The following CHPF variants were observed in gnomAD, a reference collection of about 807,000 sequenced individuals.
CHPF encodes chondroitin polymerizing factor, non-catalytic subunit.
A neutral mutation model predicts 55.1 loss-of-function variants in CHPF; 34 were observed. The ratio of observed to expected loss-of-function variants is 0.62; its 90% confidence interval spans 0.47 to 0.82. The LOEUF (loss-of-function observed/expected upper bound fraction) is 0.82, where lower values mean the gene tolerates loss of function less well. Among genes scored for constraint, CHPF ranks in the 40% least tolerant of loss-of-function variants. CHPF has a pLI of 0.00. For synonymous variants in CHPF, 489 were observed against 496.6 expected (o/e 0.98, Z 0.20); for missense variants, 961 against 1,106.1 (o/e 0.87, Z 1.86).
rs1274145724 is a variant in CHPF at position 219,541,109 on chromosome 2, T to G, written c.905A>C (p.His302Pro). 6.2e-7 allele frequency: 1 copy of G among 1,606,056 alleles called. No individual in the cohort carries two copies. The highest frequency in any genetic ancestry group is 1.3e-5 in the African/African-American group (1 of 74,622). The stretch of plus-strand genomic sequence containing the variant: ...TGGCTCCCCAGGGCTCAGCTCCAGA[T>G]GGCTATAGTGCACCCCCTGGGGAGA... ...TGDHEGVHYS[H>P]LELSPGEPVQ... The change falls in exon 3 of 4, where the codon CAT (histidine) becomes CCT (proline). Residue 302 changes from histidine to proline, a missense_variant. Coordinates refer to ENST00000243776, the MANE Select transcript of CHPF (RefSeq NM_024536.6).
At chr2:219,542,896 T>C (rs1385315198) in intron 1 of CHPF, 1 of 1,124,992 alleles carries the variant, frequency 8.9e-7, no homozygotes, top group Non-Finnish European at 1.1e-6. Flanking sequence ...TCTCTTCCCC[T>C]GTCTCTATAC....
intron 3 of CHPF, 46 bp downstream of exon 3, chr2:219,540,900 C>T: frequency 1.3e-6 from 2 of 1,594,482 alleles, no homozygotes; most frequent in Non-Finnish European, 1.7e-6. Flanking sequence ...TGTGACTTCT[C>T]AGATCCTGTC....
Position 219,539,268 on chromosome 2 carries a change from G to C in CHPF, c.*115C>G. ...AGCCAGAGAGGGGACCAGTGGGCCA[G>C]CTTGGGGTCTGGCTACGGCCAGCCC... On this transcript the variant is annotated 3_prime_UTR_variant, in exon 4 of 4. Coordinates refer to ENST00000243776, the MANE Select transcript of CHPF (RefSeq NM_024536.6). The C allele has an allele frequency of 9.4e-7, 1 of 1,062,620 alleles. No individual in the cohort carries two copies. Among genetic ancestry groups the C allele is most frequent in the African/African-American group, 1.6e-5 (1 of 63,276 alleles). 65.8% of individuals were successfully genotyped at this position (1,062,620 alleles called of 1,614,324 possible).
rs753681580 is a variant in CHPF at position 219,541,032 on chromosome 2, G to A, written c.982C>T (p.Arg328Cys). 4 of 1,613,910 alleles carry A rather than the reference G, an allele frequency of 2.5e-6. No individual in the cohort carries two copies. The highest frequency in any genetic ancestry group is 1.7e-4 in the Middle Eastern group (1 of 6,058). The change falls in exon 3 of 4, where the codon CGT becomes TGT. Residue 328 changes from arginine to cysteine, a missense_variant. Arg to Cys is a radical substitution (Grantham distance 180). Around this residue, in one of 3 missense-constraint regions of CHPF, gnomAD observed 936 missense variants for 1,058.4 expected, o/e 0.88. Transcript: ENST00000243776. The stretch of plus-strand genomic sequence containing the variant: ...AGCTGGTACATGTGCACAGGGTCAC[G>A]CACAGGGTGGGCTGTCAGGGCACTT... ...FRSALTAHPV[R>C]DPVHMYQLHK...
chr2:219,541,592 C>G, intron 2 of CHPF, 24 bp downstream of exon 2: 1 of 1,515,256 alleles, frequency 6.6e-7, no homozygotes, highest in East Asian at 2.3e-5. Flanking sequence ...AAGGAGGTAT[C>G]AGTGGGATAG....
chr2:219,543,029 C>T, intron 1 of CHPF, 196 bp downstream of exon 1: 1 of 1,353,314 alleles, frequency 7.4e-7, no homozygotes, highest in Non-Finnish European at 9.4e-7. Flanking sequence ...CAGCCCAGGC[C>T]GGGATAGGGC....
Position 219,539,275 on chromosome 2 carries a change from G to C in CHPF, c.*108C>G, listed in dbSNP as rs1473099616. On this transcript the variant is annotated 3_prime_UTR_variant, in exon 4 of 4. Transcript: ENST00000243776. ...GAGGGGACCAGTGGGCCAGCTTGGG[G>C]TCTGGCTACGGCCAGCCCTGCCCAG... 8.8e-7 allele frequency: 1 copy of C among 1,131,800 alleles called. No individual in the cohort carries two copies. The highest frequency in any genetic ancestry group is 1.2e-6 in the Non-Finnish European group (1 of 812,300). 70.1% of individuals were successfully genotyped at this position (1,131,800 alleles called of 1,614,324 possible). A position where few individuals can be genotyped will look rare whatever the true frequency, so the allele number is the denominator to read the frequency against.
rs1256022453 is a variant in CHPF at position 219,539,418 on chromosome 2, G to A, written c.2293C>T (p.Leu765=). 3.1e-6 allele frequency: 5 copies of A among 1,610,348 alleles called. No individual in the cohort carries two copies. The highest frequency in any genetic ancestry group is 4.2e-6 in the Non-Finnish European group (5 of 1,177,734). The change falls in exon 4 of 4, where the codon CTA becomes TTA. Residue 765 remains leucine, a synonymous_variant. Transcript: ENST00000243776. ...GLGSRTQLAM[L]LFEQEQGNST Reference sequence around the variant, plus strand: ...TTGCCCTGCTCCTGTTCAAAGAGTAGCATGGCCAGCTGGGTTCGGGAGCCG... The same window carrying A: ...TTGCCCTGCTCCTGTTCAAAGAGTAACATGGCCAGCTGGGTTCGGGAGCCG...
chr2:219,542,221 A>C (rs775650833), intron 1 of CHPF, 32 bp from the exon 2 acceptor site: 2 of 185,702 alleles, frequency 1.1e-5, no homozygotes, highest in African/African-American at 5.7e-5. Flanking sequence ...GCTTATCAAA[A>C]GGACAACGGG....
chr2:219,541,447 G>A, intron 2 of CHPF, 169 bp downstream of exon 2: 1 of 606,314 alleles, frequency 1.6e-6, no homozygotes, highest in Non-Finnish European at 2.8e-6. Context: ...TGGCACAAAG[G>A]AAGATACTGA....
At chr2:219,540,664 T>A in intron 3 of CHPF, 22 bp from the exon 4 acceptor site, 1 of 1,564,648 alleles carries the variant, frequency 6.4e-7, no homozygotes, top group Non-Finnish European at 8.6e-7. Context: ...AAACAGGCCA[T>A]CAGCAAGGGA....
Position 219,540,339 on chromosome 2 carries a change from C to T in CHPF, c.1372G>A (p.Ala458Thr), listed in dbSNP as rs769313279. Residue 458 changes from alanine to threonine, a missense_variant, in exon 4 of 4, where the codon GCC (alanine) becomes ACC (threonine). Physicochemically the swap from Ala to Thr is moderately conservative, Grantham distance 58 (BLOSUM62 0). Coordinates refer to ENST00000243776, the MANE Select transcript of CHPF (RefSeq NM_024536.6). Reference sequence around the variant, plus strand: ...TCCAGCGTGTATTCCATACCCCGGGCCGGATCAAAGCGTCGGTAGCCATTC... The same window carrying T: ...TCCAGCGTGTATTCCATACCCCGGGTCGGATCAAAGCGTCGGTAGCCATTC... ...LVNGYRRFDP[A>T]RGMEYTLDLQ... The T allele has an allele frequency of 1.9e-6, 3 of 1,613,974 alleles. No individual in the cohort carries two copies. Among genetic ancestry groups the T allele is most frequent in the Non-Finnish European group, 1.7e-6 (2 of 1,179,976 alleles).
In CHPF at chr2:219,540,303, C is replaced by T; in HGVS notation, c.1408G>A (p.Glu470Lys). Residue 470 changes from glutamate (E) to lysine (K), a missense_variant, in exon 4 of 4, where the codon GAG (glutamate) becomes AAG (lysine). Glu to Lys is a moderately conservative substitution (Grantham distance 56). Coordinates refer to ENST00000243776, the MANE Select transcript of CHPF (RefSeq NM_024536.6). ...CGGCCTCCCTGGGGGGTCAGTGCCT[C>T]CAGCTGCAAGTCCAGCGTGTATTCC... Reference protein sequence around the residue: ...GMEYTLDLQLEALTPQGGRRP... With the variant: ...GMEYTLDLQLKALTPQGGRRP... The T allele has an allele frequency of 6.2e-7, 1 of 1,613,946 alleles. No homozygotes were observed. Among genetic ancestry groups the T allele is most frequent in the East Asian group, 2.2e-5 (1 of 44,888 alleles).
chr2:219,541,693 C>T lies in CHPF; in HGVS notation c.811G>A (p.Val271Ile), dbSNP rs755318865. The change falls in exon 2 of 4, where the codon GTC becomes ATC. Residue 271 changes from valine (V) to isoleucine (I), a missense_variant. By Grantham distance (29) the Val-to-Ile change is conservative (BLOSUM62 3). This residue lies in a region of CHPF where 936 missense variants were observed against 1,058.4 expected (regional missense o/e 0.88). Coordinates refer to ENST00000243776, the MANE Select transcript of CHPF (RefSeq NM_024536.6). ...AGCCACTCGTCAGGGCGCGCACTGA[C>T]GATGTCGTTGCGGCAGCCTTCCAGG... is the stretch of plus-strand genomic sequence containing the variant. ...PHLEGCRNDI[V>I]SARPDEWLGR... is the part of the protein sequence containing the mutation. 7.4e-6 allele frequency: 12 copies of T among 1,611,892 alleles called. No homozygotes were observed. The East Asian group carries it at 2.5e-4, about 33-fold the overall frequency.
rs759718223 is a variant in CHPF, at chr2:219,541,937, G to A, written c.567C>T (p.Gly189=). 11 of 1,613,248 alleles carry A rather than the reference G, an allele frequency of 6.8e-6. No homozygotes were observed. The Middle Eastern group carries it at 4.9e-4, about 72-fold the overall frequency. Residue 189 remains glycine, a synonymous_variant, in exon 2 of 4, where the codon GGC becomes GGT. Coordinates refer to ENST00000243776, the MANE Select transcript of CHPF (RefSeq NM_024536.6). The part of the protein sequence containing the change: ...LALRHLLEQH[G]DDFDWFFLVP... ...CCAGGAAGAACCAGTCAAAGTCGTC[G>A]CCGTGCTGCTCCAGCAGGTGGCGCA...
Position 219,542,044 on chromosome 2 carries a change from C to A in CHPF, c.460G>T (p.Ala154Ser). The stretch of plus-strand genomic sequence containing the variant: ...CCAGGTGGGGCCCGGCGGCCCCGTG[C>A]GCCCGTCAGGAACACCACACGCTCC... ...RLERVVFLTGARGRRAPPGMA... is the reference protein window; with the variant it reads ...RLERVVFLTGSRGRRAPPGMA... The change falls in exon 2 of 4, where the codon GCA becomes TCA. Residue 154 changes from alanine (A) to serine (S), a missense_variant. Ala to Ser is a moderately conservative substitution (Grantham distance 99). Coordinates refer to ENST00000243776, the MANE Select transcript of CHPF (RefSeq NM_024536.6). 1.9e-6 allele frequency: 3 copies of A among 1,584,796 alleles called. No individual in the cohort carries two copies. Among genetic ancestry groups the A allele is most frequent in the Non-Finnish European group, 8.5e-7 (1 of 1,169,888 alleles).
At position 219,539,139 on chromosome 2, in the gene CHPF, C is replaced by T. The variant is rs532253190; in HGVS notation, c.*244G>A. 17 of 534,742 alleles carry T rather than the reference C, an allele frequency of 3.2e-5. No homozygotes were observed. Among genetic ancestry groups the T allele is most frequent in the South Asian group, 8.1e-5 (3 of 37,078 alleles). 33.1% of individuals were successfully genotyped at this position (534,742 alleles called of 1,614,324 possible). A position where few individuals can be genotyped will look rare whatever the true frequency, so the allele number is the denominator to read the frequency against. On this transcript the variant is annotated 3_prime_UTR_variant, in exon 4 of 4. Transcript: ENST00000243776. ...GCATAAATACGTGGAGGCCACAGCC[C>T]GAATCAGCAGCGTCAGGGGGCAGGG...
chr2:219,543,092 G>A, intron 1 of CHPF, 133 bp downstream of exon 1: 1 of 1,363,658 alleles, frequency 7.3e-7, no homozygotes, highest in Non-Finnish European at 9.4e-7. Flanking sequence ...AGGGCCATCG[G>A]AAGTTATCGG....
At chr2:219,540,917 A>AAC (rs772681204) in intron 3 of CHPF, 29 bp downstream of exon 3, 1 of 1,602,194 alleles carries the variant, frequency 6.2e-7, no homozygotes, top group African/African-American at 1.3e-5. Flanking sequence ...TGTCCCCGTC[A>AAC]CTCTGCCACC....
Sources: allele counts gnomAD v4.1 joint callset, GRCh38; gene constraint gnomAD v4.1.1; regional missense constraint gnomAD v4.1.1; transcripts MANE v1.5; gene names NCBI Gene and HGNC (gene_info 2026-07-23, HGNC 2026-07-21).